The following DNAJC17 variants were observed in gnomAD, a reference collection of about 807,000 sequenced individuals.
DNAJC17 encodes DnaJ heat shock protein family (Hsp40) member C17.
A neutral mutation model predicts 48.1 loss-of-function variants in DNAJC17; 35 were observed. That is an observed-to-expected ratio of 0.73 (90% CI 0.56 to 0.96). The LOEUF is 0.96. Among genes scored for constraint, DNAJC17 ranks in the 50% least tolerant of loss-of-function variants. The probability of loss-of-function intolerance (pLI) is 0.00; values close to 1 mark genes in which losing one functional copy is unlikely to be tolerated. For missense variants in DNAJC17, 355 were observed against 377.1 expected (o/e 0.94, Z 0.48); for synonymous variants, 117 against 142.7 (o/e 0.82, Z 1.28).
Position 40,773,716 on chromosome 15 carries a change from T to C in DNAJC17, c.792+11A>G, listed in dbSNP as rs747494769. On this transcript the variant is annotated intron_variant, in intron 10 of 10. Coordinates refer to ENST00000220496, the MANE Select transcript of DNAJC17 (RefSeq NM_018163.3). ...CCTGAGCGCCCAGCCGGGCGAGGCC[T>C]GACTCCTCACCTTTGACAGTCCTGA... 3.0e-5 allele frequency: 49 copies of C among 1,610,168 alleles called. No homozygotes were observed. The highest frequency in any genetic ancestry group is 4.1e-5 in the Non-Finnish European group (48 of 1,177,918).
chr15:40,792,482 C>G, intron 1 of DNAJC17: 1 of 985,404 alleles, frequency 1.0e-6, no homozygotes, highest in Non-Finnish European at 1.2e-6. Flanking sequence ...ACACACCCTT[C>G]AAAGGGCTTC....
chr15:40,789,799 G>A (rs1277845246), intron 1 of DNAJC17, among the ~76,000 whole-genome samples: 1 of 148,840 alleles, frequency 6.7e-6, no homozygotes, highest in Non-Finnish European at 1.5e-5. Context: ...AGTTGATTTC[G>A]GAAGTCTGAG....
chr15:40,806,599 G>T (rs1011435008), intron 1 of DNAJC17, among the ~76,000 whole-genome samples: 3 of 152,076 alleles, frequency 2.0e-5, no homozygotes, highest in African/African-American at 7.2e-5. Flanking sequence ...GCAGTGGCGC[G>T]ATCTCGGCTC....
rs1888946402 is a variant in DNAJC17, at chr15:40,766,231, T to A, written c.*1709A>T. On this transcript the variant is annotated 3_prime_UTR_variant, in exon 11 of 11. Coordinates refer to ENST00000220496, the MANE Select transcript of DNAJC17 (RefSeq NM_018163.3). ...CTGCCCTCTCCTAAGCTGGACCCCA[T>A]CAAGGACAGACAGGCACAGAGAGAA... 1 of 220,578 alleles carries A rather than the reference T, an allele frequency of 4.5e-6. No homozygotes were observed. Among genetic ancestry groups the A allele is most frequent in the Non-Finnish European group, 8.9e-6 (1 of 112,994 alleles). The allele number at this position is 220,578 out of a possible 1,614,324, so 13.7% of individuals were successfully genotyped here.
intron 1 of DNAJC17, among the ~76,000 whole-genome samples, chr15:40,795,668 A>G (rs1889925497): frequency 6.6e-6 from 1 of 152,130 alleles, no homozygotes; most frequent in African/African-American, 2.4e-5. Flanking sequence ...AGGCTGAGCC[A>G]GGCGGATCAC....
rs1889052749 is a variant in DNAJC17 at position 40,769,337 on chromosome 15, C to A, written c.793-1275G>T. Among the ~76,000 whole-genome samples, 1 of 152,204 alleles carries A rather than the reference C, an allele frequency of 6.6e-6. No individual in the cohort carries two copies. Among genetic ancestry groups the A allele is most frequent in the Non-Finnish European group, 1.5e-5 (1 of 68,026 alleles). On this transcript the variant is annotated intron_variant, in intron 10 of 10. Transcript: ENST00000220496. This position sits in a 1 kb window ranked among gnomAD's most constrained non-coding sequence, Gnocchi z 4.2. ...CCAGGTAGGAGGCAACACGGCCCGG[C>A]CTTCAGCAGCCGCTCTCCTGGCAGG...
chr15:40,773,686 C>T (rs1289805389), intron 10 of DNAJC17, 41 bp downstream of exon 10: 17 of 1,538,176 alleles, frequency 1.1e-5, no homozygotes, highest in Admixed American at 3.5e-5. Context: ...GGAAGAGCTC[C>T]GAGACCTGAG....
intron 1 of DNAJC17, among the ~76,000 whole-genome samples, chr15:40,783,429 G>A (rs58097169): frequency 0.024 from 3,636 of 152,146 alleles, 142 homozygotes; most frequent in African/African-American, 0.084. Context: ...AGGGGGAGGC[G>A]GTCCATGTCC....
At chr15:40,796,768 T>C (rs1219114118) in intron 1 of DNAJC17, among the ~76,000 whole-genome samples, 2 of 152,102 alleles carry the variant, frequency 1.3e-5, no homozygotes, top group South Asian at 4.1e-4. Context: ...AAAAGAACTG[T>C]TTTTGTTTTT....
chr15:40,797,717 CTTTTTTTT>C (rs538219563), intron 1 of DNAJC17, among the ~76,000 whole-genome samples: 2,913 of 98,934 alleles, frequency 0.029, 133 homozygotes, highest in African/African-American at 0.1. Context: ...TGGCCGATCT[CTTTTTTTT>C]TTTTTTTTTT....
intron 1 of DNAJC17, among the ~76,000 whole-genome samples, chr15:40,805,700 G>A (rs1566833307): frequency 2.0e-5 from 3 of 147,634 alleles, no homozygotes. Context: ...CATGGTGGCA[G>A]GCGCCTGTAG....
chr15:40,776,687 C>T lies in DNAJC17; in HGVS notation c.296-60G>A. 4 of 1,566,182 alleles carry T rather than the reference C, an allele frequency of 2.6e-6. No homozygotes were observed. The South Asian group carries it at 4.4e-5, about 17-fold the overall frequency. On this transcript the variant is annotated intron_variant, in intron 4 of 10. Coordinates refer to ENST00000220496, the MANE Select transcript of DNAJC17 (RefSeq NM_018163.3). ...CTGTTCAGTTTCCATGTGGCCTCGGCCCACCCCAGCTCTGGCTGCCTCCCC... is the reference window on the plus strand; with the variant it reads ...CTGTTCAGTTTCCATGTGGCCTCGGTCCACCCCAGCTCTGGCTGCCTCCCC...
intron 1 of DNAJC17, among the ~76,000 whole-genome samples, chr15:40,794,063 A>G (rs73398560): frequency 0.06 from 9,135 of 152,236 alleles, 919 homozygotes; most frequent in African/African-American, 0.21. Context: ...TTAGCCTTAC[A>G]CATTAAAGAT....
At position 40,794,234 on chromosome 15, in the gene DNAJC17, T is replaced by C. The variant is rs774500902; in HGVS notation, c.78+13135A>G. ...GCATGGTGGTGCATGCCTATAATCCTAGCTACTCAGGAGGCTGAAGCAGGA... is the reference window on the plus strand; with the variant it reads ...GCATGGTGGTGCATGCCTATAATCCCAGCTACTCAGGAGGCTGAAGCAGGA... On this transcript the variant is annotated intron_variant, in intron 1 of 10. Coordinates refer to ENST00000220496, the MANE Select transcript of DNAJC17 (RefSeq NM_018163.3). Among the ~76,000 whole-genome samples, 6 of 151,668 alleles carry C rather than the reference T, an allele frequency of 4.0e-5. No homozygotes were observed. In the East Asian group the frequency reaches 9.7e-4, roughly 25 times the overall value.
At chr15:40,771,361 T>C (rs1222546724) in intron 10 of DNAJC17, 1 of 326,470 alleles carries the variant, frequency 3.1e-6, no homozygotes, top group Non-Finnish European at 6.0e-6. Context: ...AGGAACCAGG[T>C]AGAGGCTGGC....
At chr15:40,800,521 C>T (rs1890050701) in intron 1 of DNAJC17, among the ~76,000 whole-genome samples, 9 of 149,382 alleles carry the variant, frequency 6.0e-5, no homozygotes, top group Admixed American at 6.0e-4. Context: ...GACAGAGTTT[C>T]ACTCTGTCAC....
At chr15:40,800,724 C>T (rs1004633801) in intron 1 of DNAJC17, among the ~76,000 whole-genome samples, 1 of 151,010 alleles carries the variant, frequency 6.6e-6, no homozygotes, top group Non-Finnish European at 1.5e-5. Context: ...CGGTGGCTCA[C>T]GCCTGTAATC....
At chr15:40,775,644 G>A (rs1889298919) in intron 6 of DNAJC17, 48 bp from the exon 7 acceptor site, 1 of 1,586,346 alleles carries the variant, frequency 6.3e-7, no homozygotes, top group East Asian at 2.2e-5. Context: ...GGGAGTCAGA[G>A]ATTCTCCCAA....
At chr15:40,776,335 A>T in intron 5 of DNAJC17, 43 bp from the exon 6 acceptor site, 1 of 1,593,356 alleles carries the variant, frequency 6.3e-7, no homozygotes, top group African/African-American at 1.3e-5. Context: ...TGCAGGTCCA[A>T]TTCCAGGCTG....
Sources: allele counts gnomAD v4.1 joint callset (sites outside exome capture counted in the v4.1 genomes callset), GRCh38; gene constraint gnomAD v4.1.1; non-coding constraint Gnocchi (gnomAD v3.1); transcripts MANE v1.5; gene names NCBI Gene and HGNC (gene_info 2026-07-23, HGNC 2026-07-21).